MMD2: variants seen among roughly 807,000 people sequenced by gnomAD.
MMD2 encodes the protein monocyte to macrophage differentiation associated 2, also known as monocyte to macrophage differentiation factor 2.
In MMD2, 30 loss-of-function variants were observed where a neutral mutation model predicts 33.5. That is an observed-to-expected ratio of 0.90 (90% confidence interval 0.67 to 1.22). MMD2 has a LOEUF of 1.22. Ranked by LOEUF, MMD2 falls within the 50% of genes most tolerant of loss-of-function variation. The probability of loss-of-function intolerance (pLI) is 0.00; values close to 1 mark genes in which losing one functional copy is unlikely to be tolerated. For synonymous variants in MMD2, 129 were observed against 123.0 expected (o/e 1.05, Z -0.32); for missense variants, 364 against 325.4 (o/e 1.12, Z -0.91).
rs977556618 is a variant in MMD2, at chr7:4,911,133, G to T, written c.467+12C>A. Reference sequence around the variant, plus strand: ...GAATCCCGCCTCCCTGAAGCCCCCAGGCCTGGCTTACCGCTCATGGAAGAA... The same window carrying T: ...GAATCCCGCCTCCCTGAAGCCCCCATGCCTGGCTTACCGCTCATGGAAGAA... On this transcript the variant is annotated intron_variant, in intron 5 of 6. Coordinates refer to ENST00000401401, the MANE Select transcript of MMD2 (RefSeq NM_198403.4). 3 of 1,565,764 alleles carry T rather than the reference G, an allele frequency of 1.9e-6. No homozygotes were observed. The African/African-American group carries it at 4.1e-5, about 21-fold the overall frequency.
At chr7:4,936,312 AAC>A (rs1279819637) in intron 1 of MMD2, among the ~76,000 whole-genome samples, 1 of 152,108 alleles carries the variant, frequency 6.6e-6, no homozygotes, top group Non-Finnish European at 1.5e-5. Flanking sequence ...ATTAGTGTAA[AAC>A]ACACACACAC....
chr7:4,912,391 T>C (rs1562476944), intron 4 of MMD2, among the ~76,000 whole-genome samples: 1 of 151,780 alleles, frequency 6.6e-6, no homozygotes, highest in Non-Finnish European at 1.5e-5. Context: ...ACCCCGTCTC[T>C]ACTAAAAATA....
downstream of MMD2, among the ~76,000 whole-genome samples, chr7:4,903,004 G>A (rs543928451): frequency 3.9e-5 from 6 of 152,312 alleles, no homozygotes; most frequent in South Asian, 2.1e-4. Flanking sequence ...TTGTGCGGCC[G>A]AGGCGGGCAG....
intron 1 of MMD2, among the ~76,000 whole-genome samples, chr7:4,942,305 G>A (rs891722828): frequency 6.7e-6 from 1 of 150,078 alleles, no homozygotes; most frequent in African/African-American, 2.5e-5. Flanking sequence ...TTGCCATGTT[G>A]CCCAGGCTGT....
intron 4 of MMD2, among the ~76,000 whole-genome samples, chr7:4,912,572 A>T (rs897253892): frequency 2.7e-5 from 4 of 150,814 alleles, no homozygotes; most frequent in Non-Finnish European, 5.9e-5. Context: ...AAAAAAAAAA[A>T]AAAGGGATAA....
At chr7:4,897,926 T>C in the MMD2 span, among the ~76,000 whole-genome samples, 5 of 152,068 alleles carry the variant, frequency 3.3e-5, no homozygotes, top group African/African-American at 4.8e-5. Context: ...TTAGTAGAGA[T>C]GGTGTTTCAC....
Position 4,906,788 on chromosome 7 carries a change from G to A in MMD2, c.*608C>T. On this transcript the variant is annotated 3_prime_UTR_variant, in exon 7 of 7. Coordinates refer to ENST00000401401, the MANE Select transcript of MMD2 (RefSeq NM_198403.4). ...CATTTCAGAGCACACCAGACAGGAA[G>A]GGCAAAGAGGTCCCATCATGAGTGC... 2.7e-6 allele frequency: 1 copy of A among 369,488 alleles called. No individual in the cohort carries two copies. Among genetic ancestry groups the A allele is most frequent in the East Asian group, 3.8e-5 (1 of 26,140 alleles). 22.9% of individuals were successfully genotyped at this position (369,488 alleles called of 1,614,324 possible). A position where few individuals can be genotyped will look rare whatever the true frequency, so the allele number is the denominator to read the frequency against.
intron 4 of MMD2, among the ~76,000 whole-genome samples, chr7:4,914,000 T>C (rs1350408120): frequency 1.3e-5 from 2 of 152,042 alleles, no homozygotes; most frequent in African/African-American, 4.8e-5. Flanking sequence ...TTCTTGTTTG[T>C]TTTTTTAGAG....
At chr7:4,926,410 A>AT (rs1196380078) in intron 1 of MMD2, among the ~76,000 whole-genome samples, 1 of 151,664 alleles carries the variant, frequency 6.6e-6, no homozygotes, top group Non-Finnish European at 1.5e-5. Flanking sequence ...CCTGTTTCTT[A>AT]TTTTCTCTAA....
At chr7:4,915,373 G>T (rs1192831545) in intron 4 of MMD2, among the ~76,000 whole-genome samples, 1 of 151,728 alleles carries the variant, frequency 6.6e-6, no homozygotes, top group Admixed American at 6.6e-5. Context: ...GTATGCATAC[G>T]TCTATGTCTA....
chr7:4,909,460 G>C, intron 6 of MMD2, among the ~76,000 whole-genome samples: 1 of 148,690 alleles, frequency 6.7e-6, no homozygotes, highest in East Asian at 2.0e-4. Flanking sequence ...TTGTTTTTTT[G>C]AAACAGAGTT....
At chr7:4,921,641 G>C (rs904527251) in intron 2 of MMD2, among the ~76,000 whole-genome samples, 1 of 143,412 alleles carries the variant, frequency 7.0e-6, no homozygotes, top group Non-Finnish European at 1.5e-5. Context: ...AAAAAAAAAA[G>C]TAGGCAGGTG....
intron 1 of MMD2, among the ~76,000 whole-genome samples, chr7:4,942,204 T>A (rs1429835237): frequency 6.6e-6 from 1 of 152,006 alleles, no homozygotes; most frequent in Non-Finnish European, 1.5e-5. Flanking sequence ...TCCACTGCCT[T>A]GACCTCCCAA....
intron 6 of MMD2, among the ~76,000 whole-genome samples, chr7:4,908,024 G>T (rs561553851): frequency 1.4e-4 from 22 of 152,012 alleles, no homozygotes; most frequent in African/African-American, 5.3e-4. Flanking sequence ...TGCCCAGGCT[G>T]GTCTCAAACT....
chr7:4,908,700 C>T (rs1199981332), intron 6 of MMD2, among the ~76,000 whole-genome samples: 30 of 151,766 alleles, frequency 2.0e-4, no homozygotes, highest in Non-Finnish European at 4.4e-5. Flanking sequence ...AGTTCGAGAC[C>T]AGCCTGGCCA....
intron 1 of MMD2, among the ~76,000 whole-genome samples, chr7:4,947,398 CTT>C (rs34054867): frequency 7.0e-6 from 1 of 143,500 alleles, no homozygotes; most frequent in Non-Finnish European, 1.5e-5. Flanking sequence ...GTGCTATGCA[CTT>C]TTTTTTTTTT....
intron 1 of MMD2, among the ~76,000 whole-genome samples, chr7:4,943,903 G>T (rs1482599898): frequency 1.3e-5 from 2 of 151,658 alleles, no homozygotes; most frequent in African/African-American, 4.8e-5. Context: ...CTGGGCTCAA[G>T]TGATCCTCCC....
intron 1 of MMD2, among the ~76,000 whole-genome samples, chr7:4,950,465 T>A: frequency 6.6e-6 from 1 of 152,120 alleles, no homozygotes; most frequent in East Asian, 1.9e-4. Context: ...CTTGCAAAAC[T>A]GAAACCCTGT....
intron 1 of MMD2, among the ~76,000 whole-genome samples, chr7:4,953,247 C>T (rs181184735): frequency 6.6e-6 from 1 of 151,724 alleles, no homozygotes; most frequent in East Asian, 1.9e-4. Context: ...ATGTGAGCTC[C>T]AGGAGGGCAG....
Sources: allele counts gnomAD v4.1 joint callset (sites outside exome capture counted in the v4.1 genomes callset), GRCh38; gene constraint gnomAD v4.1.1; transcripts MANE v1.5; gene names NCBI Gene and HGNC (gene_info 2026-07-23, HGNC 2026-07-21).